Variants in COL18A1 observed in about 807,000 individuals in gnomAD.
COL18A1 encodes collagen alpha-1(XVIII) chain.
In COL18A1, 133 loss-of-function variants were observed where a neutral mutation model predicts 168.0. The observed-to-expected ratio is 0.79, with a 90% CI of 0.69 to 0.91. The LOEUF is 0.91. Among genes scored for constraint, COL18A1 ranks in the 40% least tolerant of loss-of-function variants. COL18A1 has a pLI of 0.00. For synonymous variants in COL18A1, 949 were observed against 809.0 expected, an observed-to-expected ratio of 1.17 and a Z score of -2.94; for missense variants, 2,126 against 1,925.4, an observed-to-expected ratio of 1.10 and a Z score of -1.95.
intron 13 of COL18A1, 139 bp from the exon 14 acceptor site, chr21:45,481,824 G>T: frequency 1.4e-6 from 1 of 722,668 alleles, no homozygotes. Flanking sequence ...CGTGAGCCCT[G>T]GGACTCTGGC....
At chr21:45,449,620 G>C (rs1422960954) in intron 2 of COL18A1, among the ~76,000 whole-genome samples, 1 of 152,176 alleles carries the variant, frequency 6.6e-6, no homozygotes, top group Non-Finnish European at 1.5e-5. Context: ...GTAAGCTGGG[G>C]GTGGGTGTTA....
At chr21:45,474,648 G>A (rs1252756815) in intron 4 of COL18A1, among the ~76,000 whole-genome samples, 3 of 145,238 alleles carry the variant, frequency 2.1e-5, no homozygotes, top group South Asian at 2.1e-4. Context: ...CCCCAGGTGT[G>A]AGGAACAGCA....
chr21:45,490,208 C>A, intron 19 of COL18A1, 67 bp from the exon 20 acceptor site: 1 of 1,406,644 alleles, frequency 7.1e-7, no homozygotes, highest in Non-Finnish European at 9.8e-7. Flanking sequence ...CCCCGGACTC[C>A]TCGTGGGGGT....
At chr21:45,497,920 A>T in intron 32 of COL18A1, 1 of 607,578 alleles carries the variant, frequency 1.6e-6, no homozygotes, top group African/African-American at 1.8e-5. Flanking sequence ...CTGCCCTTCC[A>T]TGCTAGACCC....
intron 8 of COL18A1, 45 bp downstream of exon 8, chr21:45,478,010 G>T: frequency 9.2e-7 from 1 of 1,089,216 alleles, no homozygotes; most frequent in Non-Finnish European, 1.4e-6. Flanking sequence ...CTGGAGGGTG[G>T]GGGCTTGGGT....
intron 28 of COL18A1, chr21:45,495,118 G>A (rs2146001264): frequency 1.5e-6 from 1 of 647,412 alleles, no homozygotes; most frequent in East Asian, 2.7e-5. Context: ...TACCCAGGAG[G>A]AAGCCCTGGA....
At chr21:45,406,288 G>C (rs2123487548) in intron 2 of COL18A1, among the ~76,000 whole-genome samples, 1 of 152,314 alleles carries the variant, frequency 6.6e-6, no homozygotes, top group South Asian at 2.1e-4. Flanking sequence ...CCCACCCGGG[G>C]GTCCACGCAG....
intron 2 of COL18A1, among the ~76,000 whole-genome samples, chr21:45,426,560 C>T (rs1052365146): frequency 6.6e-5 from 10 of 152,216 alleles, no homozygotes; most frequent in Non-Finnish European, 1.5e-4. Flanking sequence ...CCCCGGAAAC[C>T]CTGCCACGCC....
intron 40 of COL18A1, among the ~76,000 whole-genome samples, 164 bp from the exon 41 acceptor site, chr21:45,510,945 ACC>A (rs2037544575): frequency 3.8e-5 from 1 of 26,020 alleles, no homozygotes; most frequent in Non-Finnish European, 6.6e-5. Context: ...AAAAACACAC[ACC>A]CACAACACCC....
intron 38 of COL18A1, among the ~76,000 whole-genome samples, chr21:45,508,134 GGTGGATGGAAAGGTGGGTGA>G (rs1361643584): frequency 1.8e-4 from 27 of 151,756 alleles, no homozygotes; most frequent in Non-Finnish European, 2.7e-4. Flanking sequence ...CGGGTGGGTG[GGTGGATGGAAAGGTGGGTGA>G]GTGGATAGGT....
intron 34 of COL18A1, among the ~76,000 whole-genome samples, 195 bp downstream of exon 34, chr21:45,504,751 C>T (rs1233729206): frequency 6.6e-6 from 1 of 152,106 alleles, no homozygotes; most frequent in African/African-American, 2.4e-5. Context: ...CCCCGGACAC[C>T]CCCCGTCCCC....
intron 4 of COL18A1, among the ~76,000 whole-genome samples, chr21:45,474,353 CTGTG>C (rs752938544): frequency 1.3e-4 from 18 of 140,044 alleles, no homozygotes; most frequent in African/African-American, 4.1e-4. Flanking sequence ...GTGTGTGTGT[CTGTG>C]TGGTGTGTCT....
intron 2 of COL18A1, among the ~76,000 whole-genome samples, chr21:45,431,533 G>A (rs2033963052): frequency 7.7e-6 from 1 of 130,634 alleles, no homozygotes; most frequent in Non-Finnish European, 1.6e-5. Context: ...GGGCAGGCAG[G>A]ACTCGGCGGC....
At chr21:45,441,272 C>T (rs1211184736) in intron 2 of COL18A1, among the ~76,000 whole-genome samples, 1 of 152,182 alleles carries the variant, frequency 6.6e-6, no homozygotes, top group Non-Finnish European at 1.5e-5. Flanking sequence ...CACCTGCTGC[C>T]CTTCAGGGTT....
intron 2 of COL18A1, among the ~76,000 whole-genome samples, chr21:45,439,459 C>T (rs375931230): frequency 1.3e-5 from 2 of 152,370 alleles, no homozygotes; most frequent in African/African-American, 4.8e-5. Flanking sequence ...GTGTGCGTTA[C>T]GTTCATCATA....
chr21:45,431,781 G>A (rs920425515), intron 2 of COL18A1, among the ~76,000 whole-genome samples: 4 of 152,116 alleles, frequency 2.6e-5, no homozygotes, highest in South Asian at 4.1e-4. Flanking sequence ...GCAGGCCGTC[G>A]CGGACGGTCT....
intron 2 of COL18A1, among the ~76,000 whole-genome samples, chr21:45,411,704 G>A (rs1298923551): frequency 2.8e-5 from 4 of 145,078 alleles, no homozygotes; most frequent in African/African-American, 1.0e-4. Context: ...CGAGGGCTTC[G>A]TCTTCTCACA....
chr21:45,498,545 G>T lies in COL18A1; in HGVS notation c.2683+884G>T, dbSNP rs1461767268. The T allele has an allele frequency of 2.8e-6, 2 of 716,902 alleles. No homozygotes were observed. Among genetic ancestry groups the T allele is most frequent in the Non-Finnish European group, 5.2e-6 (2 of 385,050 alleles). 44.4% of individuals were successfully genotyped at this position (716,902 alleles called of 1,614,324 possible). A position where few individuals can be genotyped will look rare whatever the true frequency, so the allele number is the denominator to read the frequency against. On this transcript the variant is annotated intron_variant, in intron 32 of 41. Transcript: ENST00000651438. The surrounding 1 kb of genome is among the most constrained non-coding windows in gnomAD (Gnocchi z 4.5). Reference sequence around the variant, plus strand: ...GGCCGCCATACCTGCTCTTGCTGGGGCTGCACTCTGGGGTGGGAAGGGACC... The same window carrying T: ...GGCCGCCATACCTGCTCTTGCTGGGTCTGCACTCTGGGGTGGGAAGGGACC...
intron 33 of COL18A1, 96 bp downstream of exon 33, chr21:45,504,150 C>T (rs1049313556): frequency 3.9e-5 from 55 of 1,410,880 alleles, no homozygotes; most frequent in Admixed American, 3.4e-5. Context: ...GCCCAAGCCC[C>T]CTTCCTGTTC....
Sources: gnomAD v4.1 joint callset for allele counts (sites outside exome capture counted in the v4.1 genomes callset) on GRCh38, gnomAD v4.1.1 for gene constraint, Gnocchi (gnomAD v3.1) non-coding constraint, MANE v1.5 for transcripts, NCBI Gene and HGNC (gene_info 2026-07-23, HGNC 2026-07-21) for gene names.